Variants in SHANK2 observed in about 807,000 individuals in gnomAD.
SHANK2 encodes the protein SH3 and multiple ankyrin repeat domains protein 2.
Under a neutral mutation model 133.7 loss-of-function variants are expected in SHANK2, and 43 were observed. The ratio of observed to expected loss-of-function variants is 0.32; its 90% CI spans 0.25 to 0.41. The LOEUF (loss-of-function observed/expected upper bound fraction) is 0.41, where lower values mean the gene tolerates loss of function less well. SHANK2 is among the 10% of genes least tolerant of loss of function. SHANK2 has a pLI of 1.00. For missense variants in SHANK2, 1,994 were observed against 2,235.8 expected, an observed-to-expected ratio of 0.89 and a Z score of 2.18; for synonymous variants, 1,017 against 952.8, an observed-to-expected ratio of 1.07 and a Z score of -1.24.
rs1284779560 is a variant in SHANK2 at position 70,485,262 on chromosome 11, G to T, written c.4979+52C>A. 2 of 1,517,938 alleles carry T rather than the reference G, an allele frequency of 1.3e-6. No homozygotes were observed. Among genetic ancestry groups the T allele is most frequent in the East Asian group, 2.3e-5 (1 of 44,424 alleles). The allele number at this position is 1,517,938 out of a possible 1,614,324, so 94.0% of individuals were successfully genotyped here. A position where few individuals can be genotyped will look rare whatever the true frequency, so the allele number is the denominator to read the frequency against. Reference sequence around the variant, plus strand: ...GCTACCCGAGGGCCTTTCCTGGTCAGCAGGGACAGTGCACGCAGAGCGGTG... The same window carrying T: ...GCTACCCGAGGGCCTTTCCTGGTCATCAGGGACAGTGCACGCAGAGCGGTG... On this transcript the variant is annotated intron_variant, in intron 25 of 25. Transcript: ENST00000601538. The surrounding 1 kb of genome is among the most constrained non-coding windows in gnomAD (Gnocchi z 5.8).
rs1009179977 is a variant in SHANK2, at chr11:71,082,431, C to G, written c.913-7156G>C. ...TGGACACGGTGGGTACCACAGTACA[C>G]TAGAAAAACCTCAATCTGAAGGAAG... On this transcript the variant is annotated intron_variant, in intron 8 of 25. Coordinates refer to ENST00000601538, the MANE Select transcript of SHANK2 (RefSeq NM_012309.5). 1.7e-3 allele frequency among the ~76,000 whole-genome samples: 262 copies of G among 152,340 alleles called. 1 individual carries two copies. Among genetic ancestry groups the G allele is most frequent in the African/African-American group, 5.7e-3 (237 of 41,572 alleles).
intron 17 of SHANK2, among the ~76,000 whole-genome samples, chr11:70,557,801 G>A (rs1157782389): frequency 2.0e-5 from 3 of 152,178 alleles, no homozygotes; most frequent in Admixed American, 6.6e-5. Context: ...ACGGACAAGC[G>A]GCTTTCTTCA....
chr11:70,890,488 C>A (rs11237839), intron 11 of SHANK2, among the ~76,000 whole-genome samples: 361 of 20,750 alleles, frequency 0.017, 2 homozygotes, highest in Non-Finnish European at 0.081. Context: ...AAAAAAAAAA[C>A]AAAAAAAACA....
At chr11:70,743,857 C>T (rs532890) in intron 14 of SHANK2, among the ~76,000 whole-genome samples, 1 of 151,944 alleles carries the variant, frequency 6.6e-6, no homozygotes, top group Non-Finnish European at 1.5e-5. Context: ...CTTTCCTACC[C>T]GGCTGCTGCG....
At position 70,807,372 on chromosome 11, in the gene SHANK2, C is replaced by T. The variant is rs543408535; in HGVS notation, c.1494-201G>A. 3.3e-5 allele frequency among the ~76,000 whole-genome samples: 5 copies of T among 152,328 alleles called. 1 individual carries two copies. The highest frequency in any genetic ancestry group is 2.1e-4 in the South Asian group (1 of 4,830). On this transcript the variant is annotated intron_variant, in intron 12 of 25. Transcript: ENST00000601538. The surrounding 1 kb of genome is among the most constrained non-coding windows in gnomAD (Gnocchi z 4.8). ...CTCAGGCAGATCCAACAATCCCACT[C>T]GCAGGTCTGCCCCGCACAGACAGAA...
rs11821590 is a variant in SHANK2 at position 70,858,588 on chromosome 11, T to C, written c.1175-37906A>G. ...TCCAGTGTGAGCCCTGCTTCCTTCCTTGCTAAAGACAGTTATCCACACAAC... is the reference window on the plus strand; with the variant it reads ...TCCAGTGTGAGCCCTGCTTCCTTCCCTGCTAAAGACAGTTATCCACACAAC... On this transcript the variant is annotated intron_variant, in intron 11 of 25. Coordinates refer to ENST00000601538, the MANE Select transcript of SHANK2 (RefSeq NM_012309.5). 1.1e-3 allele frequency among the ~76,000 whole-genome samples: 160 copies of C among 152,338 alleles called. 2 individuals are homozygous for C. The highest frequency in any genetic ancestry group is 3.7e-3 in the African/African-American group (154 of 41,580).
At chr11:70,781,286 C>T (rs1326256248) in intron 14 of SHANK2, among the ~76,000 whole-genome samples, 19 of 151,752 alleles carry the variant, frequency 1.3e-4, no homozygotes, top group African/African-American at 2.9e-4. Flanking sequence ...GAGAAACGTC[C>T]GGTTTGAAGC....
At chr11:70,605,226 G>T (rs1465323771) in intron 17 of SHANK2, among the ~76,000 whole-genome samples, 3 of 152,258 alleles carry the variant, frequency 2.0e-5, no homozygotes, top group African/African-American at 7.2e-5. Context: ...TCTGGAAGAT[G>T]CTCTCCCTGC....
intron 14 of SHANK2, 48 bp downstream of exon 14, chr11:70,798,395 G>C (rs1555049650): frequency 5.6e-6 from 4 of 714,804 alleles, no homozygotes; most frequent in Admixed American, 2.0e-5. Context: ...ACGGGCCTGA[G>C]ATAGGCCTGC....
At chr11:71,064,629 A>T (rs936296129) in intron 9 of SHANK2, among the ~76,000 whole-genome samples, 4 of 151,186 alleles carry the variant, frequency 2.6e-5, no homozygotes, top group Admixed American at 1.3e-4. Context: ...AGGGAGAGAC[A>T]GCAGGGCCCC....
In SHANK2 at chr11:71,086,097, TATATA is replaced by T. The variant is rs1291825787; in HGVS notation, c.912+6320_912+6324del. 3.3e-3 allele frequency among the ~76,000 whole-genome samples: 143 copies of T among 43,378 alleles called. 6 individuals are homozygous for T. Among genetic ancestry groups the T allele is most frequent in the African/African-American group, 0.01 (129 of 12,678 alleles). The allele number at this position is 43,378 out of a possible 152,430, so 28.5% of individuals were successfully genotyped here. ...TATTATGTTATATAATATATTAAAT[TATATA>T]ATATATTATGTTATATAATATATTA... On this transcript the variant is annotated intron_variant, in intron 8 of 25. Transcript: ENST00000601538.
rs140033623 is a variant in SHANK2 at position 70,535,149 on chromosome 11, C to G, written c.2062-32218G>C. 6.6e-6 allele frequency among the ~76,000 whole-genome samples: 1 copy of G among 152,164 alleles called. No individual in the cohort carries two copies. The highest frequency in any genetic ancestry group is 1.5e-5 in the Non-Finnish European group (1 of 68,014). On this transcript the variant is annotated intron_variant, in intron 17 of 25. Transcript: ENST00000601538. The surrounding 1 kb of genome is among the most constrained non-coding windows in gnomAD (Gnocchi z 4.3). ...TGCTCATGACCAGGGATGGTTCCCA[C>G]GAACACCTTCCTCCCTCCCACCCTC...
intron 5 of SHANK2, among the ~76,000 whole-genome samples, chr11:71,111,408 T>C (rs1951890290): frequency 6.6e-6 from 1 of 152,130 alleles, no homozygotes; most frequent in African/African-American, 2.4e-5. Flanking sequence ...GTCATGATGG[T>C]CCGCAGATCA....
chr11:70,505,526 G>A (rs1281876857), intron 17 of SHANK2, among the ~76,000 whole-genome samples: 2 of 152,046 alleles, frequency 1.3e-5, no homozygotes, highest in Admixed American at 6.6e-5. Context: ...TGTGGGGAGC[G>A]AGGGGAGGAC....
chr11:70,817,271 C>T (rs923599621), intron 12 of SHANK2, among the ~76,000 whole-genome samples: 3 of 152,240 alleles, frequency 2.0e-5, no homozygotes, highest in African/African-American at 4.8e-5. Context: ...AAGGACCTCT[C>T]AGCTCATCAG....
rs139209788 is a variant in SHANK2 at position 70,705,010 on chromosome 11, G to A, written c.1778-6247C>T. 9.2e-5 allele frequency among the ~76,000 whole-genome samples: 14 copies of A among 152,258 alleles called. No homozygotes were observed. The East Asian group carries it at 2.7e-3, about 29-fold the overall frequency. ...ACCAGCATTGTCTTTTTGTCCTTGG[G>A]CATGGCCACCAAAACATTTGAGAAG... On this transcript the variant is annotated intron_variant, in intron 14 of 25. Transcript: ENST00000601538.
At chr11:70,623,203 A>T (rs1554998555) in intron 17 of SHANK2, among the ~76,000 whole-genome samples, 1 of 150,608 alleles carries the variant, frequency 6.6e-6, no homozygotes, top group Non-Finnish European at 1.5e-5. Context: ...ATTCCTCTCC[A>T]CATCCTGTGG....
rs145754059 is a variant in SHANK2, at chr11:70,884,104, G to T, written c.1174+12397C>A. On this transcript the variant is annotated intron_variant, in intron 11 of 25. Coordinates refer to ENST00000601538, the MANE Select transcript of SHANK2 (RefSeq NM_012309.5). ...CAGAGAGCAAGAGGAGAATGCACCA[G>T]CCCATGCTTGGCTCAGGCCAGTGCA... is the stretch of plus-strand genomic sequence containing the variant. Among the ~76,000 whole-genome samples the T allele has an allele frequency of 6.8e-3, 1,041 of 152,346 alleles. 10 individuals are homozygous for T. The highest frequency in any genetic ancestry group is 1.0e-2 in the Non-Finnish European group (679 of 68,038).
At chr11:71,209,643 C>T (rs1233818759) in intron 2 of SHANK2, among the ~76,000 whole-genome samples, 1 of 152,192 alleles carries the variant, frequency 6.6e-6, no homozygotes, top group Non-Finnish European at 1.5e-5. Flanking sequence ...TGTGGCAGAA[C>T]ACACAGCAGA....
Sources: allele counts gnomAD v4.1 joint callset (sites outside exome capture counted in the v4.1 genomes callset), GRCh38; gene constraint gnomAD v4.1.1; non-coding constraint Gnocchi (gnomAD v3.1); transcripts MANE v1.5; gene names NCBI Gene and HGNC (gene_info 2026-07-23, HGNC 2026-07-21).